ZNF239: variants seen among roughly 807,000 people sequenced by gnomAD.
ZNF239 encodes zinc finger protein (C2H2) homologous to mouse MOK-2.
ZNF239 carries 16 observed loss-of-function variants against 27.5 expected under a neutral mutation model. The ratio of observed to expected loss-of-function variants is 0.58; its 90% CI spans 0.39 to 0.88. The LOEUF is 0.88. Among genes scored for constraint, ZNF239 ranks in the 40% least tolerant of loss-of-function variants. The pLI, the probability that ZNF239 is intolerant of heterozygous loss-of-function variation, is 0.00. For missense variants in ZNF239, 527 were observed against 551.9 expected, an observed-to-expected ratio of 0.95 and a Z score of 0.45; for synonymous variants, 199 against 192.6, an observed-to-expected ratio of 1.03 and a Z score of -0.27.
intron 2 of ZNF239, chr10:43,568,499 C>G: frequency 1.0e-6 from 1 of 972,818 alleles, no homozygotes; most frequent in South Asian, 4.8e-5. Flanking sequence ...ATATGAATCT[C>G]TCTAATATCC....
Position 43,557,806 on chromosome 10 carries a change from T to C in ZNF239, c.274A>G (p.Ser92Gly). ...CKNEPQDHQESRRLFVMEEST... is the reference protein window; with the variant it reads ...CKNEPQDHQEGRRLFVMEEST... ...TCTTCCATTACAAAGAGACGTCTGC[T>C]TTCCTGATGATCCTGAGGCTCATTC... The change falls in exon 4 of 4, where the codon AGC (serine) becomes GGC (glycine). Residue 92 changes from serine to glycine, a missense_variant. Physicochemically the swap from Ser to Gly is moderately conservative, Grantham distance 56. Transcript: ENST00000374446. 6.2e-7 allele frequency: 1 copy of C among 1,614,234 alleles called. No individual in the cohort carries two copies. Among genetic ancestry groups the C allele is most frequent in the Non-Finnish European group, 8.5e-7 (1 of 1,180,040 alleles).
chr10:43,569,752 C>CAAG (rs1837915974), intron 2 of ZNF239, among the ~76,000 whole-genome samples: 1 of 152,138 alleles, frequency 6.6e-6, no homozygotes, highest in African/African-American at 2.4e-5. Context: ...TACTGTCTTT[C>CAAG]CCTGCTGAGA....
rs760876611 is a variant in ZNF239, at chr10:43,567,983, G to A, written c.-177C>T. ...AGTCCAGGTGACCTCACTCCTCCTCGGTGAAGGCCACAGAGGCATCCTTGA... is the reference window on the plus strand; with the variant it reads ...AGTCCAGGTGACCTCACTCCTCCTCAGTGAAGGCCACAGAGGCATCCTTGA... On this transcript the variant is annotated 5_prime_UTR_variant, in exon 3 of 4. Transcript: ENST00000374446. 547 of 985,754 alleles carry A rather than the reference G, an allele frequency of 5.5e-4. No individual in the cohort carries two copies. The highest frequency in any genetic ancestry group is 6.5e-4 in the Non-Finnish European group (536 of 830,078). 61.1% of individuals were successfully genotyped at this position (985,754 alleles called of 1,614,324 possible). A position where few individuals can be genotyped will look rare whatever the true frequency, so the allele number is the denominator to read the frequency against.
At chr10:43,572,354 T>C (rs558835009) in intron 2 of ZNF239, among the ~76,000 whole-genome samples, 1 of 152,356 alleles carries the variant, frequency 6.6e-6, no homozygotes, top group Non-Finnish European at 1.5e-5. Flanking sequence ...ATGCTCTCAG[T>C]ACCTCAAGTC....
chr10:43,571,764 GC>G (rs1190307174), intron 2 of ZNF239, among the ~76,000 whole-genome samples: 1 of 151,990 alleles, frequency 6.6e-6, no homozygotes, highest in Non-Finnish European at 1.5e-5. Flanking sequence ...CACTATGTTG[GC>G]CAGGCTGGTC....
chr10:43,556,685 T>G lies in ZNF239; in HGVS notation c.*18A>C. On this transcript the variant is annotated 3_prime_UTR_variant, in exon 4 of 4. Coordinates refer to ENST00000374446, the MANE Select transcript of ZNF239 (RefSeq NM_001099282.2). ...TTACAGTATGAGCGCTGTGAAGACC[T>G]GAATGGGCTAATGTCAGTTAGCGAG... The G allele has an allele frequency of 6.2e-7, 1 of 1,606,584 alleles. No individual in the cohort carries two copies. Among genetic ancestry groups the G allele is most frequent in the East Asian group, 2.2e-5 (1 of 44,798 alleles).
chr10:43,567,425 G>A (rs1554810882), intron 3 of ZNF239, among the ~76,000 whole-genome samples: 2 of 152,226 alleles, frequency 1.3e-5, no homozygotes, highest in South Asian at 2.1e-4. Flanking sequence ...CTCCTGCAGA[G>A]GTAGAAGGGC....
chr10:43,567,974 C>T lies in ZNF239; in HGVS notation c.-168G>A. ...TGGGAGCAGAGTCCAGGTGACCTCA[C>T]TCCTCCTCGGTGAAGGCCACAGAGG... On this transcript the variant is annotated 5_prime_UTR_variant, in exon 3 of 4. The change creates a new upstream start codon in the 5' untranslated region. Coordinates refer to ENST00000374446, the MANE Select transcript of ZNF239 (RefSeq NM_001099282.2). The T allele has an allele frequency of 1.0e-6, 1 of 986,038 alleles. No homozygotes were observed. Among genetic ancestry groups the T allele is most frequent in the Non-Finnish European group, 1.2e-6 (1 of 830,090 alleles). 61.1% of individuals were successfully genotyped at this position (986,038 alleles called of 1,614,324 possible).
chr10:43,557,128 G>A lies in ZNF239; in HGVS notation c.952C>T (p.Pro318Ser), dbSNP rs1291658276. 2 of 1,612,978 alleles carry A rather than the reference G, an allele frequency of 1.2e-6. No homozygotes were observed. The highest frequency in any genetic ancestry group is 1.7e-6 in the Non-Finnish European group (2 of 1,179,262). ...ATACCACACTCCTCACACTCATAGG[G>A]CTTCTCTCCAGTGTGGACTCGCTGG... ...IHQRVHTGEK[P>S]YECEECGMSF... is the part of the protein sequence containing the mutation. Residue 318 changes from proline to serine, a missense_variant, in exon 4 of 4, where the codon CCC becomes TCC. Transcript: ENST00000374446.
Position 43,557,775 on chromosome 10 carries a change from G to C in ZNF239, c.305C>G (p.Thr102Ser). Residue 102 changes from threonine to serine, a missense_variant, in exon 4 of 4, where the codon ACT becomes AGT. By Grantham distance (58) the Thr-to-Ser change is moderately conservative. Transcript: ENST00000374446. ...SRRLFVMEES[T>S]ERKVIKGESC... Reference sequence around the variant, plus strand: ...TTCCCCCTTTATCACTTTTCTCTCAGTGCTTTCTTCCATTACAAAGAGACG... The same window carrying C: ...TTCCCCCTTTATCACTTTTCTCTCACTGCTTTCTTCCATTACAAAGAGACG... The C allele has an allele frequency of 6.2e-7, 1 of 1,614,088 alleles. No homozygotes were observed. The highest frequency in any genetic ancestry group is 8.5e-7 in the Non-Finnish European group (1 of 1,180,026).
At chr10:43,563,331 A>G (rs979125045) in intron 3 of ZNF239, among the ~76,000 whole-genome samples, 3 of 152,184 alleles carry the variant, frequency 2.0e-5, no homozygotes, top group Admixed American at 6.5e-5. Context: ...AGAAGAAGAA[A>G]AAAAAATATG....
intron 2 of ZNF239, among the ~76,000 whole-genome samples, chr10:43,569,606 C>T (rs1837907349): frequency 6.6e-6 from 1 of 152,188 alleles, no homozygotes; most frequent in Non-Finnish European, 1.5e-5. Flanking sequence ...CCAACTGTTG[C>T]CTCTTCAGAA....
chr10:43,566,400 C>T (rs1164079283), intron 3 of ZNF239, among the ~76,000 whole-genome samples: 3 of 152,104 alleles, frequency 2.0e-5, no homozygotes, highest in African/African-American at 7.2e-5. Flanking sequence ...GTCCTCCCAC[C>T]TCAGCCTCCT....
At chr10:43,574,322 G>C (rs879607180) in intron 1 of ZNF239, among the ~76,000 whole-genome samples, 12 of 152,180 alleles carry the variant, frequency 7.9e-5, no homozygotes, top group Non-Finnish European at 1.8e-4. Flanking sequence ...CACAGGCTTC[G>C]GTGTGGCCGC....
intron 3 of ZNF239, among the ~76,000 whole-genome samples, chr10:43,567,133 A>C (rs1390339050): frequency 6.6e-6 from 1 of 151,740 alleles, no homozygotes; most frequent in East Asian, 1.9e-4. Flanking sequence ...AACAAAACAA[A>C]AAGACTCCGT....
At chr10:43,563,793 T>C (rs911552978) in intron 3 of ZNF239, among the ~76,000 whole-genome samples, 1 of 152,062 alleles carries the variant, frequency 6.6e-6, no homozygotes, top group Non-Finnish European at 1.5e-5. Flanking sequence ...CCACTGAAGA[T>C]AAATCTACTT....
intron 3 of ZNF239, among the ~76,000 whole-genome samples, chr10:43,565,833 A>G (rs910050247): frequency 1.6e-4 from 24 of 150,084 alleles, no homozygotes; most frequent in Non-Finnish European, 3.0e-4. Flanking sequence ...AAAAAAAAAA[A>G]AAAAAAAAAA....
In ZNF239 at chr10:43,574,581, A is replaced by C. The variant is rs1378927581; in HGVS notation, c.-298T>G. Reference sequence around the variant, plus strand: ...CACGCCTGCAGGGGCCAGATTCCGGATGCTGACCGCTCGCGCGCCTAGGGC... The same window carrying C: ...CACGCCTGCAGGGGCCAGATTCCGGCTGCTGACCGCTCGCGCGCCTAGGGC... On this transcript the variant is annotated 5_prime_UTR_variant, in exon 1 of 4. Transcript: ENST00000374446. The C allele has an allele frequency of 6.6e-6, 1 of 152,282 alleles. No homozygotes were observed. The highest frequency in any genetic ancestry group is 1.9e-4 in the East Asian group (1 of 5,198). 9.4% of individuals were successfully genotyped at this position (152,282 alleles called of 1,614,324 possible).
intron 3 of ZNF239, among the ~76,000 whole-genome samples, chr10:43,561,234 T>C (rs1320760417): frequency 6.6e-6 from 1 of 152,068 alleles, no homozygotes; most frequent in Admixed American, 6.6e-5. Flanking sequence ...AAAAAATGTT[T>C]CCTAGAATTC....
Sources: allele counts gnomAD v4.1 joint callset (sites outside exome capture counted in the v4.1 genomes callset), GRCh38; gene constraint gnomAD v4.1.1; transcripts MANE v1.5; gene names NCBI Gene and HGNC (gene_info 2026-07-23, HGNC 2026-07-21).